The following POU2F1 variants were observed in gnomAD, a reference collection of about 807,000 sequenced individuals.
POU2F1 encodes POU class 2 homeobox 1.
POU2F1 carries 16 observed loss-of-function variants against 84.9 expected under a neutral mutation model. The observed-to-expected ratio is 0.19, with a 90% CI of 0.13 to 0.29. The LOEUF (loss-of-function observed/expected upper bound fraction) is 0.29. POU2F1 is among the 10% of genes least tolerant of loss of function. The probability of loss-of-function intolerance (pLI) is 1.00; values close to 1 mark genes in which losing one functional copy is unlikely to be tolerated. For synonymous variants in POU2F1, 368 were observed against 368.3 expected (o/e 1.00, Z 0.01); for missense variants, 738 against 942.6 (o/e 0.78, Z 2.84).
intron 1 of POU2F1, among the ~76,000 whole-genome samples, chr1:167,293,393 TA>T: frequency 6.6e-6 from 1 of 152,088 alleles, no homozygotes; most frequent in East Asian, 1.9e-4. Context: ...CAATAAAATA[TA>T]AAATACCTAG....
intron 1 of POU2F1, among the ~76,000 whole-genome samples, chr1:167,222,245 C>T (rs1424550691): frequency 6.6e-6 from 1 of 152,180 alleles, no homozygotes; most frequent in African/African-American, 2.4e-5. Flanking sequence ...GATCCCCCTC[C>T]CTTCTTCTGT....
rs992759037 is a variant in POU2F1 at position 167,357,403 on chromosome 1, C to T, written c.128-8064C>T. On this transcript the variant is annotated intron_variant, in intron 2 of 15. Transcript: ENST00000367866. The stretch of plus-strand genomic sequence containing the variant: ...CACCCCCCCCCGCTTCTTTGTGAGA[C>T]GGGGTCTCACTTTGTTCCCCAGGCA... 14 of 115,736 alleles carry T rather than the reference C, an allele frequency of 1.2e-4. 1 individual carries two copies. Among genetic ancestry groups the T allele is most frequent in the Non-Finnish European group, 1.7e-4 (10 of 59,238 alleles). 7.2% of individuals were successfully genotyped at this position (115,736 alleles called of 1,614,324 possible).
At chr1:167,358,943 T>G (rs780990038) in intron 2 of POU2F1, among the ~76,000 whole-genome samples, 5 of 151,964 alleles carry the variant, frequency 3.3e-5, no homozygotes, top group Non-Finnish European at 4.4e-5. Context: ...TACCAGAAGT[T>G]TATACGTTAC....
intron 1 of POU2F1, among the ~76,000 whole-genome samples, chr1:167,236,812 C>G (rs763936647): frequency 3.9e-5 from 6 of 152,176 alleles, no homozygotes; most frequent in Non-Finnish European, 8.8e-5. Flanking sequence ...AAAAATGTTT[C>G]TCTTAGCAGA....
chr1:167,282,842 A>G (rs909027250), intron 1 of POU2F1, among the ~76,000 whole-genome samples: 1 of 152,140 alleles, frequency 6.6e-6, no homozygotes, highest in African/African-American at 2.4e-5. Context: ...CCAGAGGCCT[A>G]CTGTCCAGGT....
At chr1:167,293,905 A>G (rs1413576329) in intron 1 of POU2F1, among the ~76,000 whole-genome samples, 1 of 152,228 alleles carries the variant, frequency 6.6e-6, no homozygotes, top group Non-Finnish European at 1.5e-5. Flanking sequence ...GGTTAGCCAC[A>G]TGAAGAAGAA....
chr1:167,269,239 A>G (rs1042161372), intron 1 of POU2F1, among the ~76,000 whole-genome samples: 1 of 152,262 alleles, frequency 6.6e-6, no homozygotes, highest in Non-Finnish European at 1.5e-5. Context: ...TTCATTTTCT[A>G]CAAACTTGAA....
chr1:167,360,575 A>G (rs1659292035), intron 2 of POU2F1, among the ~76,000 whole-genome samples: 1 of 152,190 alleles, frequency 6.6e-6, no homozygotes, highest in Non-Finnish European at 1.5e-5. Context: ...TACCAGTACC[A>G]TGCTGTTTCA....
chr1:167,255,749 G>A (rs1027968672), intron 1 of POU2F1, among the ~76,000 whole-genome samples: 4 of 152,082 alleles, frequency 2.6e-5, no homozygotes, highest in African/African-American at 7.2e-5. Context: ...TTTGAGAATC[G>A]GTGACTGACT....
At chr1:167,384,021 ATT>A (rs35617253) in intron 8 of POU2F1, 70 bp downstream of exon 8, 253 of 1,145,016 alleles carry the variant, frequency 2.2e-4, no homozygotes, top group East Asian at 2.5e-4. Context: ...ACTTTATTTA[ATT>A]TTTTTTTTAA....
At chr1:167,397,893 G>A in intron 10 of POU2F1, 101 bp from the exon 11 acceptor site, 2 of 1,236,296 alleles carry the variant, frequency 1.6e-6, no homozygotes, top group Non-Finnish European at 2.2e-6. Flanking sequence ...TTCATACTTG[G>A]ATGTAGCTTA....
At chr1:167,271,362 T>C (rs961385068) in intron 1 of POU2F1, among the ~76,000 whole-genome samples, 1 of 152,208 alleles carries the variant, frequency 6.6e-6, no homozygotes, top group Non-Finnish European at 1.5e-5. Context: ...TATTTGTGAC[T>C]AAAACTTGCC....
chr1:167,390,847 G>T (rs1394773918), intron 9 of POU2F1, among the ~76,000 whole-genome samples: 1 of 152,124 alleles, frequency 6.6e-6, no homozygotes, highest in East Asian at 1.9e-4. Context: ...AAGAGAGAGG[G>T]TGATGGAGAC....
intron 1 of POU2F1, among the ~76,000 whole-genome samples, chr1:167,275,028 ATG>A (rs1249558508): frequency 1.5e-5 from 2 of 136,904 alleles, no homozygotes; most frequent in African/African-American, 2.6e-5. Context: ...AGTCAAATAA[ATG>A]TATTTTTTTT....
intron 1 of POU2F1, among the ~76,000 whole-genome samples, chr1:167,276,267 C>T (rs1314382032): frequency 1.3e-5 from 2 of 152,132 alleles, no homozygotes; most frequent in South Asian, 4.1e-4. Context: ...CATTCAGTAG[C>T]GGCCTATGTT....
chr1:167,348,224 A>G (rs575980276), intron 2 of POU2F1, among the ~76,000 whole-genome samples: 18 of 152,318 alleles, frequency 1.2e-4, no homozygotes, highest in Non-Finnish European at 1.8e-4. Context: ...ACTGTATGCA[A>G]TTGTAACACA....
intron 2 of POU2F1, among the ~76,000 whole-genome samples, chr1:167,364,390 C>T (rs985631793): frequency 2.0e-5 from 3 of 148,826 alleles, no homozygotes; most frequent in African/African-American, 4.9e-5. Context: ...ATTAGCCGGG[C>T]GTAGTGGCGG....
Position 167,389,585 on chromosome 1 carries a change from C to T in POU2F1, c.814-3C>T. On this transcript the variant is annotated splice_region_variant and splice_polypyrimidine_tract_variant and intron_variant, in intron 8 of 15. Transcript: ENST00000367866. ...CCTCATTGTTTTATTCTTTCTCCAA[C>T]AGCCAGCAACCCCAACACGCACAAT... The T allele has an allele frequency of 6.2e-7, 1 of 1,614,024 alleles. No individual in the cohort carries two copies.
intron 1 of POU2F1, among the ~76,000 whole-genome samples, chr1:167,299,526 G>A (rs1019689297): frequency 3.3e-5 from 5 of 152,170 alleles, no homozygotes; most frequent in African/African-American, 9.7e-5. Context: ...TGGATTGAAT[G>A]TTCTACGTGC....
Sources: gnomAD v4.1 joint callset for allele counts (sites outside exome capture counted in the v4.1 genomes callset) on GRCh38, gnomAD v4.1.1 for gene constraint, MANE v1.5 for transcripts, NCBI Gene and HGNC (gene_info 2026-07-23, HGNC 2026-07-21) for gene names.